Variants in KIAA1549L observed in about 807,000 individuals in gnomAD.
The protein encoded by KIAA1549L is KIAA1549 like.
A neutral mutation model predicts 160.7 loss-of-function variants in KIAA1549L; 88 were observed. The ratio of observed to expected loss-of-function variants is 0.55; its 90% CI spans 0.46 to 0.65. The LOEUF is 0.65. KIAA1549L is among the 30% of genes least tolerant of loss of function. The pLI, the probability that KIAA1549L is intolerant of heterozygous loss-of-function variation, is 0.00. For missense variants in KIAA1549L, 2,258 were observed against 2,437.5 expected, an observed-to-expected ratio of 0.93 and a Z score of 1.55; for synonymous variants, 950 against 976.7, an observed-to-expected ratio of 0.97 and a Z score of 0.51.
intron 1 of KIAA1549L, among the ~76,000 whole-genome samples, chr11:33,381,761 A>G (rs745562166): frequency 6.6e-6 from 1 of 152,240 alleles, no homozygotes; most frequent in South Asian, 2.1e-4. Context: ...CTGCAGATGA[A>G]GATGGCTTAG....
intron 18 of KIAA1549L, among the ~76,000 whole-genome samples, chr11:33,658,388 AC>A (rs1034064183): frequency 2.6e-5 from 4 of 151,828 alleles, no homozygotes; most frequent in African/African-American, 9.7e-5. Flanking sequence ...TGATGTCATC[AC>A]CCCCTGGGTC....
At chr11:33,597,534 C>T (rs1050008599) in intron 12 of KIAA1549L, among the ~76,000 whole-genome samples, 2 of 152,152 alleles carry the variant, frequency 1.3e-5, no homozygotes, top group African/African-American at 2.4e-5. Flanking sequence ...TAAATCTGGA[C>T]GATTGACAAT....
chr11:33,444,943 G>A (rs955837457), intron 1 of KIAA1549L, among the ~76,000 whole-genome samples: 3 of 152,124 alleles, frequency 2.0e-5, no homozygotes, highest in African/African-American at 7.2e-5. Flanking sequence ...TAAACTTCTG[G>A]AGGCATGTTC....
chr11:33,626,062 A>G lies in KIAA1549L; in HGVS notation c.5409+7400A>G, dbSNP rs560379100. Among the ~76,000 whole-genome samples, 1,272 of 150,652 alleles carry G rather than the reference A, an allele frequency of 8.4e-3. 26 individuals are homozygous for G. The highest frequency in any genetic ancestry group is 0.031 in the African/African-American group (1,227 of 40,182). On this transcript the variant is annotated intron_variant, in intron 16 of 20. Transcript: ENST00000658780. The stretch of plus-strand genomic sequence containing the variant: ...TTTTCTCAGGTTTGTCAAAGATCAG[A>G]TAGTTGTAGATATGCGGCATGATTT...
At chr11:33,468,341 A>G (rs185054413) in intron 1 of KIAA1549L, among the ~76,000 whole-genome samples, 4 of 152,302 alleles carry the variant, frequency 2.6e-5, no homozygotes, top group African/African-American at 9.6e-5. Context: ...GTTATCTCTA[A>G]GGGTGTCACA....
At chr11:33,501,941 A>T (rs111955958) in intron 1 of KIAA1549L, among the ~76,000 whole-genome samples, 4 of 152,192 alleles carry the variant, frequency 2.6e-5, no homozygotes, top group African/African-American at 9.6e-5. Context: ...AGCTTATCTC[A>T]GAATCTGAGA....
At chr11:33,481,323 C>G (rs1037354510) in intron 1 of KIAA1549L, among the ~76,000 whole-genome samples, 1 of 152,148 alleles carries the variant, frequency 6.6e-6, no homozygotes, top group Non-Finnish European at 1.5e-5. Flanking sequence ...AGAATGCTAT[C>G]TCATTTTCAC....
rs1590344069 is a variant in KIAA1549L at position 33,559,963 on chromosome 11, TC to T, written c.4018+54del. 10 of 1,556,400 alleles carry T rather than the reference TC, an allele frequency of 6.4e-6. No homozygotes were observed. In the East Asian group the frequency reaches 2.3e-4, roughly 35 times the overall value. On this transcript the variant is annotated intron_variant, in intron 7 of 20. Coordinates refer to ENST00000658780, the MANE Select transcript of KIAA1549L (RefSeq NM_012194.3). ...CCCAGTGTTTCCCCTGTGGCCTTTC[TC>T]CATTTAGCAAACATTTATAGTGCCA...
At chr11:33,398,804 G>C (rs1461667113) in intron 1 of KIAA1549L, among the ~76,000 whole-genome samples, 1 of 152,044 alleles carries the variant, frequency 6.6e-6, no homozygotes, top group Non-Finnish European at 1.5e-5. Flanking sequence ...CACAATCTCT[G>C]AATCTTAGGA....
At chr11:33,531,708 A>G (rs1319633709) in intron 1 of KIAA1549L, among the ~76,000 whole-genome samples, 1 of 152,196 alleles carries the variant, frequency 6.6e-6, no homozygotes, top group African/African-American at 2.4e-5. Context: ...AAAAAGCCCC[A>G]AGAGGAATCA....
At chr11:33,583,990 G>A (rs1031381769) in intron 11 of KIAA1549L, among the ~76,000 whole-genome samples, 6 of 152,164 alleles carry the variant, frequency 3.9e-5, no homozygotes, top group African/African-American at 1.4e-4. Flanking sequence ...CAATATGATG[G>A]TATTAGGAGA....
chr11:33,476,913 G>A (rs1461511754), intron 1 of KIAA1549L, among the ~76,000 whole-genome samples: 2 of 152,134 alleles, frequency 1.3e-5, no homozygotes, highest in African/African-American at 4.8e-5. Context: ...TTAGAATGTA[G>A]GCTTTGTGCG....
chr11:33,621,309 G>A (rs1478948195), intron 16 of KIAA1549L, among the ~76,000 whole-genome samples: 2 of 152,130 alleles, frequency 1.3e-5, no homozygotes, highest in Non-Finnish European at 2.9e-5. Context: ...AAGGGGTTTG[G>A]GATCACTGCG....
rs867272489 is a variant in KIAA1549L at position 33,628,164 on chromosome 11, T to C, written c.5409+9502T>C. Among the ~76,000 whole-genome samples the C allele has an allele frequency of 2.5e-3, 377 of 152,176 alleles. 3 individuals carry two copies. The highest frequency in any genetic ancestry group is 8.6e-3 in the African/African-American group (356 of 41,480). On this transcript the variant is annotated intron_variant, in intron 16 of 20. Transcript: ENST00000658780. Reference sequence around the variant, plus strand: ...GGTCTGAGAGATAGTTTGTTATAATTTCTGTTCTTTTACATTTGCTGAGGA... The same window carrying C: ...GGTCTGAGAGATAGTTTGTTATAATCTCTGTTCTTTTACATTTGCTGAGGA...
intron 8 of KIAA1549L, among the ~76,000 whole-genome samples, chr11:33,567,094 G>A (rs1214928116): frequency 6.6e-6 from 1 of 152,120 alleles, no homozygotes; most frequent in African/African-American, 2.4e-5. Flanking sequence ...GAACAGCCCT[G>A]GTGGTCCTGA....
At chr11:33,428,214 G>A (rs1851159795) in intron 1 of KIAA1549L, among the ~76,000 whole-genome samples, 1 of 152,180 alleles carries the variant, frequency 6.6e-6, no homozygotes, top group Non-Finnish European at 1.5e-5. Flanking sequence ...TGGACCAAGT[G>A]GCTGGGCCAG....
intron 4 of KIAA1549L, among the ~76,000 whole-genome samples, 195 bp from the exon 5 acceptor site, chr11:33,550,844 AT>A (rs1225261187): frequency 3.1e-4 from 47 of 152,304 alleles, no homozygotes; most frequent in Admixed American, 7.2e-4. Flanking sequence ...TGTAAATTAT[AT>A]TTTGTTGTTT....
At chr11:33,459,777 C>T (rs1437050097) in intron 1 of KIAA1549L, among the ~76,000 whole-genome samples, 11 of 150,578 alleles carry the variant, frequency 7.3e-5, no homozygotes, top group South Asian at 4.2e-4. Context: ...CCGGCTAAAA[C>T]GGTGAAACCC....
intron 1 of KIAA1549L, among the ~76,000 whole-genome samples, chr11:33,517,278 C>T (rs1195137310): frequency 6.6e-6 from 1 of 152,202 alleles, no homozygotes; most frequent in Non-Finnish European, 1.5e-5. Flanking sequence ...AGGGCTGCCT[C>T]CTGGAGTAGT....
Sources: gnomAD v4.1 joint callset for allele counts (sites outside exome capture counted in the v4.1 genomes callset) on GRCh38, gnomAD v4.1.1 for gene constraint, MANE v1.5 for transcripts, NCBI Gene and HGNC (gene_info 2026-07-23, HGNC 2026-07-21) for gene names.